NLGN1: variants seen among roughly 807,000 people sequenced by gnomAD.
NLGN1 encodes neuroligin 1.
A neutral mutation model predicts 65.5 loss-of-function variants in NLGN1; 12 were observed. The ratio of observed to expected loss-of-function variants is 0.18; its 90% confidence interval spans 0.12 to 0.30. NLGN1 has a LOEUF of 0.30. NLGN1 is among the 10% of genes least tolerant of loss of function. NLGN1 has a pLI of 1.00. For synonymous variants in NLGN1, 350 were observed against 359.5 expected (o/e 0.97, Z 0.30); for missense variants, 750 against 1,007.1 (o/e 0.74, Z 3.46).
intron 3 of NLGN1, among the ~76,000 whole-genome samples, chr3:173,634,634 T>G (rs575556907): frequency 3.9e-5 from 6 of 152,316 alleles, no homozygotes; most frequent in African/African-American, 1.4e-4. Flanking sequence ...CATTTTCACC[T>G]TGAAAATGTA....
chr3:174,200,739 A>C (rs997280331), intron 4 of NLGN1, among the ~76,000 whole-genome samples: 2 of 152,152 alleles, frequency 1.3e-5, no homozygotes, highest in South Asian at 4.1e-4. Context: ...TTTCATTTCA[A>C]CCTCCCTGTC....
chr3:173,437,027 A>T (rs1718264925), intron 2 of NLGN1, among the ~76,000 whole-genome samples: 1 of 152,202 alleles, frequency 6.6e-6, no homozygotes, highest in Non-Finnish European at 1.5e-5. Flanking sequence ...AAACTTCTTG[A>T]AGTAGATTCT....
intron 4 of NLGN1, among the ~76,000 whole-genome samples, chr3:173,831,718 A>G (rs911736887): frequency 2.0e-5 from 3 of 152,188 alleles, no homozygotes; most frequent in East Asian, 1.9e-4. Context: ...CCCAATTTAT[A>G]TCAGTTAAAA....
rs140648804 is a variant in NLGN1, at chr3:173,694,366, C to A, written c.493+89275C>A. 3.3e-5 allele frequency among the ~76,000 whole-genome samples: 5 copies of A among 152,150 alleles called. No homozygotes were observed. The East Asian group carries it at 9.6e-4, about 29-fold the overall frequency. On this transcript the variant is annotated intron_variant, in intron 3 of 6. Coordinates refer to ENST00000457714, the Ensembl canonical transcript of NLGN1. ...TGTTTGGACACTTGAGGGCCAAGTG[C>A]GGTGTTGAAAGCTTGTGAACAATGA...
intron 4 of NLGN1, among the ~76,000 whole-genome samples, chr3:174,067,828 C>T (rs951128383): frequency 4.6e-5 from 7 of 152,002 alleles, no homozygotes; most frequent in East Asian, 1.9e-4. Context: ...TTCAAAAGGA[C>T]GTAAATATTA....
At chr3:174,248,365 T>A (rs991815354) in intron 4 of NLGN1, among the ~76,000 whole-genome samples, 7 of 152,214 alleles carry the variant, frequency 4.6e-5, no homozygotes, top group African/African-American at 1.7e-4. Flanking sequence ...ATAAAGAATA[T>A]CCACCATTAA....
At chr3:173,740,334 T>A (rs927930490) in intron 3 of NLGN1, among the ~76,000 whole-genome samples, 1 of 152,140 alleles carries the variant, frequency 6.6e-6, no homozygotes, top group African/African-American at 2.4e-5. Context: ...AGAAAAATTA[T>A]GAATTCTCTG....
At chr3:173,963,356 A>G (rs1714057340) in intron 4 of NLGN1, among the ~76,000 whole-genome samples, 1 of 152,192 alleles carries the variant, frequency 6.6e-6, no homozygotes, top group African/African-American at 2.4e-5. Flanking sequence ...TGTGCCTCAG[A>G]TGACATGGAA....
chr3:174,043,315 C>T (rs1732775720), intron 4 of NLGN1, among the ~76,000 whole-genome samples: 1 of 152,196 alleles, frequency 6.6e-6, no homozygotes, highest in African/African-American at 2.4e-5. Context: ...GCACTTCCAA[C>T]AGTCCCTCAA....
intron 4 of NLGN1, among the ~76,000 whole-genome samples, chr3:173,844,946 T>G (rs1360343153): frequency 6.6e-6 from 1 of 152,234 alleles, no homozygotes; most frequent in Non-Finnish European, 1.5e-5. Flanking sequence ...GACATTATGT[T>G]ATGATCTGTG....
intron 4 of NLGN1, among the ~76,000 whole-genome samples, chr3:173,987,687 C>T (rs1449454035): frequency 1.3e-5 from 2 of 152,116 alleles, no homozygotes; most frequent in Non-Finnish European, 2.9e-5. Flanking sequence ...CACTCGGTAC[C>T]CTTCTGAAAC....
chr3:173,843,075 A>C (rs1168172311), intron 4 of NLGN1, among the ~76,000 whole-genome samples: 1 of 152,228 alleles, frequency 6.6e-6, no homozygotes, highest in African/African-American at 2.4e-5. Flanking sequence ...GCTCAACACC[A>C]TGTTGAAGCT....
chr3:173,698,918 G>A (rs145377495), intron 3 of NLGN1, among the ~76,000 whole-genome samples: 266 of 152,194 alleles, frequency 1.7e-3, no homozygotes, highest in African/African-American at 4.6e-3. Flanking sequence ...GTACAATGGC[G>A]TGATCTCAGC....
chr3:173,610,780 A>G (rs1752156310), intron 3 of NLGN1, among the ~76,000 whole-genome samples: 1 of 151,928 alleles, frequency 6.6e-6, no homozygotes, highest in Non-Finnish European at 1.5e-5. Flanking sequence ...GAGTGTGTCT[A>G]AGAGAGAATG....
At chr3:173,512,441 G>A (rs569592407) in intron 2 of NLGN1, among the ~76,000 whole-genome samples, 22 of 152,234 alleles carry the variant, frequency 1.4e-4, no homozygotes, top group African/African-American at 5.1e-4. Context: ...ACCTCTCTCC[G>A]ATGTCCAGCC....
chr3:173,513,547 G>A (rs1156456933), intron 2 of NLGN1, among the ~76,000 whole-genome samples: 1 of 152,130 alleles, frequency 6.6e-6, no homozygotes, highest in Non-Finnish European at 1.5e-5. Flanking sequence ...TCTAAGAAAT[G>A]TTGTTGATTT....
chr3:174,227,661 A>G (rs1485754863), intron 4 of NLGN1, among the ~76,000 whole-genome samples: 1 of 152,084 alleles, frequency 6.6e-6, no homozygotes, highest in African/African-American at 2.4e-5. Context: ...GAAAACTGTG[A>G]TCAAAAGAGG....
chr3:173,686,947 C>T (rs1248363834), intron 3 of NLGN1, among the ~76,000 whole-genome samples: 5 of 151,320 alleles, frequency 3.3e-5, no homozygotes, highest in South Asian at 2.1e-4. Context: ...AGCAAGACTC[C>T]GTCCCAAAGA....
intron 3 of NLGN1, among the ~76,000 whole-genome samples, chr3:173,783,069 C>A (rs1781422898): frequency 6.6e-6 from 1 of 151,900 alleles, no homozygotes; most frequent in Admixed American, 6.6e-5. Context: ...CTTCATTTTA[C>A]ATAAAGAATG....
Sources: allele counts gnomAD v4.1 joint callset (sites outside exome capture counted in the v4.1 genomes callset), GRCh38; gene constraint gnomAD v4.1.1; transcripts MANE v1.5; gene names NCBI Gene and HGNC (gene_info 2026-07-23, HGNC 2026-07-21).